VWF: variants seen among roughly 807,000 people sequenced by gnomAD.
The protein encoded by VWF is Factor VIII related antigen.
VWF carries 176 observed loss-of-function variants against 308.6 expected under a neutral mutation model. The ratio of observed to expected loss-of-function variants is 0.57; its 90% CI spans 0.50 to 0.65. VWF has a LOEUF of 0.65. Among genes scored for constraint, VWF ranks in the 30% least tolerant of loss-of-function variants. The pLI is 0.00. For synonymous variants in VWF, 1,385 were observed against 1,443.4 expected (o/e 0.96, Z 0.92); for missense variants, 3,146 against 3,648.2 (o/e 0.86, Z 3.55).
At chr12:6,115,256 A>G (rs1189746809) in intron 3 of VWF, among the ~76,000 whole-genome samples, 1 of 151,762 alleles carries the variant, frequency 6.6e-6, no homozygotes, top group Admixed American at 6.6e-5. Flanking sequence ...CCAGGCTGGC[A>G]TCGAACTCCT....
chr12:5,952,145 C>T (rs1943199019), intron 49 of VWF: 21 of 653,012 alleles, frequency 3.2e-5, no homozygotes, highest in Non-Finnish European at 2.6e-6. Context: ...AGTTTGATCT[C>T]ACATTTTATT....
intron 34 of VWF, among the ~76,000 whole-genome samples, chr12:6,006,774 A>G (rs971671037): frequency 3.3e-5 from 5 of 152,182 alleles, no homozygotes; most frequent in African/African-American, 1.2e-4. Context: ...GCAAGACTCC[A>G]TCTAAATAAA....
At chr12:6,000,811 C>CAAAAAAAAAAAAA (rs71064181) in intron 34 of VWF, among the ~76,000 whole-genome samples, 2 of 69,812 alleles carry the variant, frequency 2.9e-5, no homozygotes, top group Admixed American at 1.9e-4. Flanking sequence ...GACTCTGTCT[C>CAAAAAAAAAAAAA]AAAAAAAAAA....
Position 6,018,719 on chromosome 12 carries a change from C to T in VWF, c.4699G>A (p.Glu1567Lys). ...SKGDILQRVREIRYQGGNRTN... is the reference protein window; with the variant it reads ...SKGDILQRVRKIRYQGGNRTN... ...CTGTTGCCGCCCTGGTAGCGGATCT[C>T]TCGCACCCGCTGCAGGATGTCCCCT... is the stretch of plus-strand genomic sequence containing the variant. The change falls in exon 28 of 52, where the codon GAG becomes AAG. Residue 1567 changes from glutamate (E) to lysine (K), a missense_variant. This residue lies in a region of VWF where 853 missense variants were observed against 1,177.8 expected (regional missense o/e 0.72). Coordinates refer to ENST00000261405, the MANE Select transcript of VWF (RefSeq NM_000552.5). 6.2e-7 allele frequency: 1 copy of T among 1,613,588 alleles called. No homozygotes were observed. The highest frequency in any genetic ancestry group is 8.5e-7 in the Non-Finnish European group (1 of 1,179,910).
chr12:6,056,541 C>T (rs1245820904), intron 15 of VWF, among the ~76,000 whole-genome samples: 7 of 152,166 alleles, frequency 4.6e-5, no homozygotes, highest in Non-Finnish European at 1.0e-4. Context: ...ACCTTCTGTG[C>T]TGAACGAACA....
chr12:5,969,299 G>A lies in VWF; in HGVS notation c.7641C>T (p.Val2547=), dbSNP rs1943442036. 2.5e-6 allele frequency: 4 copies of A among 1,614,076 alleles called. No homozygotes were observed. Among genetic ancestry groups the A allele is most frequent in the Admixed American group, 1.7e-5 (1 of 60,012 alleles). ...KEEVFIQQRN[V]SCPQLEVPVC... ...CAGGGACCTCCAGCTGGGGGCAGGA[G>A]ACGTTCCTTTGTTGTATAAAGACCT... The change falls in exon 45 of 52, where the codon GTC becomes GTT. Residue 2547 remains valine (V), a synonymous_variant. Transcript: ENST00000261405.
chr12:6,061,984 C>T (rs901228109), intron 13 of VWF, among the ~76,000 whole-genome samples: 1 of 152,066 alleles, frequency 6.6e-6, no homozygotes, highest in Admixed American at 6.5e-5. Context: ...TTTGTTCTGG[C>T]AAACAGTTAC....
intron 37 of VWF, 90 bp downstream of exon 37, chr12:5,993,772 T>C: frequency 1.6e-6 from 2 of 1,216,924 alleles, no homozygotes; most frequent in Non-Finnish European, 2.4e-6. Flanking sequence ...TTCATCCTTA[T>C]TAGCCAGATA....
In VWF at chr12:5,994,047, T is replaced by G; in HGVS notation, c.6413A>C (p.His2138Pro). Residue 2138 changes from histidine (H) to proline (P), a missense_variant, in exon 37 of 52, where the codon CAC (histidine) becomes CCC (proline). Coordinates refer to ENST00000261405, the MANE Select transcript of VWF (RefSeq NM_000552.5). ...EEQCLVPDSS[H>P]CQVLLLPLFA... ...CAGTGGTAAGAGGAGGACCTGGCAG[T>G]GGGAGCTGTCGGGGACAAGACACTG... The G allele has an allele frequency of 6.2e-7, 1 of 1,614,174 alleles. No individual in the cohort carries two copies. Among genetic ancestry groups the G allele is most frequent in the South Asian group, 1.1e-5 (1 of 91,084 alleles).
At chr12:6,004,851 G>C (rs1386893994) in intron 34 of VWF, among the ~76,000 whole-genome samples, 1 of 151,920 alleles carries the variant, frequency 6.6e-6, no homozygotes, top group Non-Finnish European at 1.5e-5. Flanking sequence ...TCAATACTTG[G>C]AATAAACTTA....
intron 5 of VWF, among the ~76,000 whole-genome samples, chr12:6,103,338 A>G (rs1945189362): frequency 6.7e-6 from 1 of 149,308 alleles, no homozygotes; most frequent in Non-Finnish European, 1.5e-5. Context: ...AAAAATATAT[A>G]TATATATGTG....
intron 34 of VWF, among the ~76,000 whole-genome samples, chr12:6,001,463 T>C (rs1301077679): frequency 6.6e-6 from 1 of 152,156 alleles, no homozygotes; most frequent in Non-Finnish European, 1.5e-5. Flanking sequence ...ATGGAGATTT[T>C]GATATCAGAC....
At chr12:6,011,485 T>C in intron 34 of VWF, 132 bp downstream of exon 34, 2 of 727,690 alleles carry the variant, frequency 2.7e-6, no homozygotes, top group Non-Finnish European at 4.8e-6. Context: ...TGAGTGAAGG[T>C]AGCACTGTGC....
chr12:6,079,357 A>G (rs561071305), intron 6 of VWF, among the ~76,000 whole-genome samples: 5 of 152,202 alleles, frequency 3.3e-5, no homozygotes, highest in Non-Finnish European at 7.3e-5. Flanking sequence ...CTGTAATCCC[A>G]GCACTTTTGG....
intron 48 of VWF, 131 bp from the exon 49 acceptor site, chr12:5,952,650 A>C: frequency 5.4e-6 from 7 of 1,289,758 alleles, no homozygotes; most frequent in Non-Finnish European, 7.5e-6. Flanking sequence ...ACAGTGTATA[A>C]TAAAGCCCCC....
In VWF at chr12:6,016,625, C is replaced by T. The variant is rs1241259684; in HGVS notation, c.5202G>A (p.Gln1734=). The change falls in exon 30 of 52, where the codon CAG becomes CAA. Residue 1734 remains glutamine (Q), a synonymous_variant. Transcript: ENST00000261405. ...GPRLTQVSVL[Q]YGSITTIDVP... ...CGTCAATGGTGGTGATGCTTCCATA[C>T]TGCAGCACTGACACCTGAGTGAGAC... 2 of 1,614,242 alleles carry T rather than the reference C, an allele frequency of 1.2e-6. No homozygotes were observed. Among genetic ancestry groups the T allele is most frequent in the Admixed American group, 3.3e-5 (2 of 60,028 alleles).
chr12:5,990,890 A>G (rs1280904378), intron 38 of VWF, among the ~76,000 whole-genome samples: 1 of 136,782 alleles, frequency 7.3e-6, no homozygotes, highest in Admixed American at 7.6e-5. Flanking sequence ...AAAAAAAAAA[A>G]AAAAAAAAAA....
chr12:6,058,924 C>T lies in VWF; in HGVS notation c.1534-880G>A, dbSNP rs944984962. 5.3e-5 allele frequency among the ~76,000 whole-genome samples: 8 copies of T among 152,116 alleles called. No homozygotes were observed. Among genetic ancestry groups the T allele is most frequent in the Admixed American group, 3.3e-4 (5 of 15,266 alleles). ...AGAGGACCCCGATTTGAAGGTGGAGCGGGGGCTGGGACCCAGGAGTCCTGA... is the reference window on the plus strand; with the variant it reads ...AGAGGACCCCGATTTGAAGGTGGAGTGGGGGCTGGGACCCAGGAGTCCTGA... On this transcript the variant is annotated intron_variant, in intron 13 of 51. Transcript: ENST00000261405. The surrounding 1 kb of genome is among the most constrained non-coding windows in gnomAD (Gnocchi z 4.9).
Position 6,021,892 on chromosome 12 carries a change from T to C in VWF, c.3674+8A>G, listed in dbSNP as rs185727822. 3.5e-4 allele frequency: 561 copies of C among 1,614,184 alleles called. 1 individual carries two copies. In the African/African-American group the frequency reaches 6.9e-3, roughly 20 times the overall value. On this transcript the variant is annotated splice_region_variant and intron_variant, in intron 27 of 51. Transcript: ENST00000261405. ...CATCACTTCAAACAACCCAGGAATC[T>C]GTTTTACCAAATCTGGCAGTGCTCA...
Sources: allele counts gnomAD v4.1 joint callset (sites outside exome capture counted in the v4.1 genomes callset), GRCh38; gene constraint gnomAD v4.1.1; regional missense constraint gnomAD v4.1.1; non-coding constraint Gnocchi (gnomAD v3.1); transcripts MANE v1.5; gene names NCBI Gene and HGNC (gene_info 2026-07-23, HGNC 2026-07-21).